Variants in SH3D21 observed in about 807,000 individuals in gnomAD.
SH3D21 encodes SH3 domain-containing protein 21.
In SH3D21, 83 loss-of-function variants were observed where a neutral mutation model predicts 82.1. The observed-to-expected ratio is 1.01, with a 90% confidence interval of 0.85 to 1.21. The LOEUF is 1.21. SH3D21 is among the 50% of genes most tolerant of loss of function. SH3D21 has a pLI of 0.00. For missense variants in SH3D21, 980 were observed against 962.1 expected (o/e 1.02, Z -0.25); for synonymous variants, 383 against 387.8 (o/e 0.99, Z 0.15).
chr1:36,309,728 G>T (rs765548929), intron 10 of SH3D21, 138 bp downstream of exon 10: 68 of 854,416 alleles, frequency 8.0e-5, no homozygotes, highest in Non-Finnish European at 1.2e-4. Context: ...CAAAAGCTGG[G>T]TAGGAATGTA....
chr1:36,321,360 C>T, downstream of SH3D21: 1 of 1,376,934 alleles, frequency 7.3e-7, no homozygotes, highest in Non-Finnish European at 9.4e-7. The surrounding 1 kb of genome is among the most constrained non-coding windows in gnomAD (Gnocchi z 6.1). Flanking sequence ...AAGGCCTGCG[C>T]GCGGCTATTT....
In SH3D21 at chr1:36,319,263, A is replaced by G; in HGVS notation, c.867A>G (p.Thr289=). The G allele has an allele frequency of 6.4e-7, 1 of 1,551,694 alleles. No individual in the cohort carries two copies. Among genetic ancestry groups the G allele is most frequent in the Non-Finnish European group, 8.7e-7 (1 of 1,146,998 alleles). The change falls in exon 12 of 16, where the codon ACA becomes ACG. Residue 289 remains threonine, a synonymous_variant. Coordinates refer to ENST00000453908, the MANE Select transcript of SH3D21 (RefSeq NM_001162530.2). The part of the protein sequence containing the change: ...TATTGPSKAK[T]SRTPSRDSQK... ...GCCTGATGAAGATATGTTCCAGGAC[A>G]TCTCGGACACCCAGCAGGGACAGTC...
intron 7 of SH3D21, 42 bp downstream of exon 7, chr1:36,308,005 C>T (rs1344446639): frequency 2.6e-6 from 4 of 1,551,360 alleles, no homozygotes; most frequent in South Asian, 2.4e-5. Flanking sequence ...CTCAGCCACT[C>T]CCAAGGTTGT....
At chr1:36,323,282 A>G (rs1264583843), downstream of SH3D21, among the ~76,000 whole-genome samples, 1 of 151,882 alleles carries the variant, frequency 6.6e-6, no homozygotes, top group African/African-American at 2.4e-5. Flanking sequence ...GGACCGCGGG[A>G]GGCCCCGCCC....
In SH3D21 at chr1:36,321,327, A is replaced by C; in HGVS notation, c.*200A>C. 2.2e-6 allele frequency: 3 copies of C among 1,393,192 alleles called. No individual in the cohort carries two copies. The highest frequency in any genetic ancestry group is 1.9e-6 in the Non-Finnish European group (2 of 1,074,000). 86.3% of individuals were successfully genotyped at this position (1,393,192 alleles called of 1,614,324 possible). On this transcript the variant is annotated 3_prime_UTR_variant, in exon 16 of 16. Coordinates refer to ENST00000453908, the MANE Select transcript of SH3D21 (RefSeq NM_001162530.2). The surrounding 1 kb of genome is among the most constrained non-coding windows in gnomAD (Gnocchi z 6.1). The stretch of plus-strand genomic sequence containing the variant: ...TCCCTCCCAGGCACATCTGGCCAAC[A>C]TGTGGCTCCCATTACCGTTCCCAAG...
At position 36,307,086 on chromosome 1, in the gene SH3D21, C is replaced by T; in HGVS notation, c.227-81C>T. On this transcript the variant is annotated intron_variant, in intron 3 of 15. Transcript: ENST00000453908. This position sits in a 1 kb window ranked among gnomAD's most constrained non-coding sequence, Gnocchi z 5.4. ...GGGGCGGGGCTGGAGGGACCAAAGG[C>T]TACGTGCGCGCCTTGCGCTTCCCCC... 6.5e-7 allele frequency: 1 copy of T among 1,535,360 alleles called. No homozygotes were observed. The highest frequency in any genetic ancestry group is 8.8e-7 in the Non-Finnish European group (1 of 1,138,394).
intron 10 of SH3D21, among the ~76,000 whole-genome samples, chr1:36,310,254 T>G (rs1646212969): frequency 6.6e-6 from 1 of 152,210 alleles, no homozygotes; most frequent in South Asian, 2.1e-4. Flanking sequence ...GCGCCCAGCC[T>G]TATTTATCTT....
At position 36,307,499 on chromosome 1, in the gene SH3D21, G is replaced by C; in HGVS notation, c.346-18G>C. ...TTGGGGCAGAACCAGACGCCTCTGC[G>C]TCCTCCCCTCTCCCCAGATTGAGGA... On this transcript the variant is annotated intron_variant, in intron 4 of 15. Coordinates refer to ENST00000453908, the MANE Select transcript of SH3D21 (RefSeq NM_001162530.2). This position sits in a 1 kb window ranked among gnomAD's most constrained non-coding sequence, Gnocchi z 5.4. 1 of 1,551,210 alleles carries C rather than the reference G, an allele frequency of 6.4e-7. No individual in the cohort carries two copies. The highest frequency in any genetic ancestry group is 8.7e-7 in the Non-Finnish European group (1 of 1,146,674).
downstream of SH3D21, chr1:36,328,062 A>ACCTG: frequency 2.2e-6 from 1 of 463,866 alleles, no homozygotes; most frequent in South Asian, 1.5e-5. Flanking sequence ...CTGTCTGCTC[A>ACCTG]CCTGCCTGCT....
Position 36,320,619 on chromosome 1 carries a change from C to A in SH3D21, c.1956C>A (p.Ala652=). 2 of 1,614,270 alleles carry A rather than the reference C, an allele frequency of 1.2e-6. No homozygotes were observed. Among genetic ancestry groups the A allele is most frequent in the Non-Finnish European group, 1.7e-6 (2 of 1,180,054 alleles). The change falls in exon 14 of 16, where the codon GCC becomes GCA. Residue 652 remains alanine, a synonymous_variant. Coordinates refer to ENST00000453908, the MANE Select transcript of SH3D21 (RefSeq NM_001162530.2). ...PKEEVPPIER[A]FAQKTRPIKP... is the part of the protein sequence containing the mutation. ...AGGAGGTGCCCCCCATAGAAAGAGC[C>A]TTTGCCCAAAAAACACGTCCTATCA...
At chr1:36,322,593 T>A, downstream of SH3D21, 1 of 1,548,062 alleles carries the variant, frequency 6.5e-7, no homozygotes, top group Non-Finnish European at 8.7e-7. Context: ...GCTGCGGGGG[T>A]CCCGGCGCTG....
downstream of SH3D21, chr1:36,322,996 G>A (rs1292358137): frequency 2.5e-6 from 4 of 1,605,474 alleles, no homozygotes; most frequent in Admixed American, 5.2e-5. Flanking sequence ...AGGCAGCCAG[G>A]CTGTTGCTGA....
At position 36,308,118 on chromosome 1, in the gene SH3D21, C is replaced by G. The variant is rs1646166145; in HGVS notation, c.548C>G (p.Pro183Arg). ...ACTGACCTCTTCCCAGTCTCCCACC[C>G]TGAGGTCTACAGGGTCCTGTTTGAC... ...PPDYLQTVSH[P>R]EVYRVLFDYQ... Residue 183 changes from proline (P) to arginine (R), a missense_variant, in exon 8 of 16, where the codon CCT (proline) becomes CGT (arginine). Coordinates refer to ENST00000453908, the MANE Select transcript of SH3D21 (RefSeq NM_001162530.2). The G allele has an allele frequency of 6.5e-7, 1 of 1,548,722 alleles. No homozygotes were observed. Among genetic ancestry groups the G allele is most frequent in the Non-Finnish European group, 8.7e-7 (1 of 1,145,366 alleles).
downstream of SH3D21, chr1:36,323,159 C>G (rs779120420): frequency 2.2e-4 from 246 of 1,106,038 alleles, no homozygotes; most frequent in Non-Finnish European, 2.8e-4. Flanking sequence ...GCCGCGGGCC[C>G]AGGTTCCACC....
chr1:36,324,228 C>CG (rs530323494), downstream of SH3D21: 113 of 152,388 alleles, frequency 7.4e-4, no homozygotes, highest in African/African-American at 2.6e-3. Flanking sequence ...AGCCAGGGCC[C>CG]GGCCAGCAGT....
At position 36,320,606 on chromosome 1, in the gene SH3D21, C is replaced by G; in HGVS notation, c.1943C>G (p.Pro648Arg). Residue 648 changes from proline to arginine, a missense_variant, in exon 14 of 16, where the codon CCC (proline) becomes CGC (arginine). Pro to Arg is a moderately radical substitution (Grantham distance 103, BLOSUM62 -2). Transcript: ENST00000453908. ...EEVAPKEEVP[P>R]IERAFAQKTR... ...GTGGCTCCAAAAGAGGAGGTGCCCC[C>G]CATAGAAAGAGCCTTTGCCCAAAAA... 1 of 1,614,242 alleles carries G rather than the reference C, an allele frequency of 6.2e-7. No individual in the cohort carries two copies.
At chr1:36,327,871 C>T (rs1287687499), downstream of SH3D21, 7 of 1,289,908 alleles carry the variant, frequency 5.4e-6, 1 homozygote, top group South Asian at 8.6e-5. Context: ...CCTCCCCACC[C>T]CCTGCCTAGC....
chr1:36,319,381 A>T, intron 12 of SH3D21, 61 bp from the exon 13 acceptor site: 1 of 1,550,502 alleles, frequency 6.4e-7, no homozygotes, highest in Non-Finnish European at 8.7e-7. Flanking sequence ...GCGGAGGGAC[A>T]GAGGTGGGAA....
Position 36,306,614 on chromosome 1 carries a change from C to A in SH3D21, c.21C>A (p.Ala7=), listed in dbSNP as rs768437348. The change falls in exon 2 of 16, where the codon GCC becomes GCA. Residue 7 remains alanine (A), a synonymous_variant. Coordinates refer to ENST00000453908, the MANE Select transcript of SH3D21 (RefSeq NM_001162530.2). The surrounding 1 kb of genome is among the most constrained non-coding windows in gnomAD (Gnocchi z 4.5). MEVLVL[A]GYRAQKEDEL... ...CGCCCGCAGAAGTCCTCGTCCTGGC[C>A]GGATACCGCGCGCAGAAGGAGGACG... is the stretch of plus-strand genomic sequence containing the variant. The A allele has an allele frequency of 1.5e-6, 2 of 1,302,722 alleles. No homozygotes were observed. The highest frequency in any genetic ancestry group is 2.0e-6 in the Non-Finnish European group (2 of 988,736). 80.7% of individuals were successfully genotyped at this position (1,302,722 alleles called of 1,614,324 possible). A position where few individuals can be genotyped will look rare whatever the true frequency, so the allele number is the denominator to read the frequency against.
Sources: gnomAD v4.1 joint callset for allele counts (sites outside exome capture counted in the v4.1 genomes callset) on GRCh38, gnomAD v4.1.1 for gene constraint, Gnocchi (gnomAD v3.1) non-coding constraint, MANE v1.5 for transcripts, NCBI Gene and HGNC (gene_info 2026-07-23, HGNC 2026-07-21) for gene names.